The following ADCY2 variants were observed in gnomAD, a reference collection of about 807,000 sequenced individuals.
ADCY2 encodes the protein adenylate cyclase 2.
ADCY2 carries 31 observed loss-of-function variants against 125.2 expected under a neutral mutation model. The observed-to-expected ratio is 0.25, with a 90% CI of 0.19 to 0.33. The LOEUF (loss-of-function observed/expected upper bound fraction) is 0.33. Among genes scored for constraint, ADCY2 ranks in the 10% least tolerant of loss-of-function variants. The probability of loss-of-function intolerance (pLI) is 1.00; values close to 1 mark genes in which losing one functional copy is unlikely to be tolerated. For missense variants in ADCY2, 904 were observed against 1,418.2 expected (o/e 0.64, Z 5.82); for synonymous variants, 512 against 548.4 (o/e 0.93, Z 0.93).
rs192552667 is a variant in ADCY2, at chr5:7,559,536, A to G, written c.570+38637A>G. Among the ~76,000 whole-genome samples the G allele has an allele frequency of 2.1e-4, 32 of 152,242 alleles. No homozygotes were observed. The East Asian group carries it at 6.0e-3, about 28-fold the overall frequency. On this transcript the variant is annotated intron_variant, in intron 3 of 24. Transcript: ENST00000338316. ...TTGCACATTGATTTTATATCCTGAG[A>G]CTTTGCTGAAGTTATTTATCAGCTT...
intron 3 of ADCY2, among the ~76,000 whole-genome samples, chr5:7,597,159 C>T (rs77869872): frequency 0.084 from 12,853 of 152,236 alleles, 1,001 homozygotes; most frequent in East Asian, 0.42. Flanking sequence ...TTTACTTGCT[C>T]CTTCTTTGCT....
At chr5:7,688,271 G>T (rs112758472) in intron 4 of ADCY2, among the ~76,000 whole-genome samples, 4,336 of 83,244 alleles carry the variant, frequency 0.052, 205 homozygotes, top group African/African-American at 0.19. Flanking sequence ...GATTTTTTTT[G>T]TTGTTTTTTT....
chr5:7,741,673 A>G (rs1412141741), intron 14 of ADCY2, among the ~76,000 whole-genome samples: 2 of 149,728 alleles, frequency 1.3e-5, no homozygotes, highest in Non-Finnish European at 3.0e-5. Flanking sequence ...CATCATCATC[A>G]TCACCATCAC....
chr5:7,406,042 T>C (rs1298020114), intron 1 of ADCY2, among the ~76,000 whole-genome samples: 1 of 151,842 alleles, frequency 6.6e-6, no homozygotes, highest in African/African-American at 2.4e-5. Context: ...TTTTTTCTTG[T>C]AGAGATGGAG....
chr5:7,656,998 G>A (rs936234123), intron 4 of ADCY2, among the ~76,000 whole-genome samples: 4 of 152,122 alleles, frequency 2.6e-5, no homozygotes, highest in African/African-American at 4.8e-5. Flanking sequence ...ATTTCATCAC[G>A]TGCAATTATT....
chr5:7,412,867 C>A (rs944683632), intron 1 of ADCY2, among the ~76,000 whole-genome samples: 1 of 152,222 alleles, frequency 6.6e-6, no homozygotes, highest in East Asian at 1.9e-4. Context: ...TAGTGCCCCC[C>A]ATCCTGCCTG....
At chr5:7,437,600 G>A (rs1372766869) in intron 2 of ADCY2, among the ~76,000 whole-genome samples, 5 of 152,374 alleles carry the variant, frequency 3.3e-5, no homozygotes, top group Middle Eastern at 3.4e-3. Context: ...TCTTAGCACA[G>A]TGCCGGGCAC....
intron 4 of ADCY2, among the ~76,000 whole-genome samples, chr5:7,644,484 G>A (rs113530033): frequency 1.3e-5 from 2 of 152,044 alleles, no homozygotes; most frequent in African/African-American, 4.8e-5. Flanking sequence ...CCATATTTAT[G>A]TTGGCCAGCT....
At chr5:7,664,625 A>T (rs1739651826) in intron 4 of ADCY2, among the ~76,000 whole-genome samples, 1 of 152,228 alleles carries the variant, frequency 6.6e-6, no homozygotes. Context: ...GAAGAAAATC[A>T]AAATGTTTTA....
intron 24 of ADCY2, among the ~76,000 whole-genome samples, chr5:7,822,639 A>G (rs958384589): frequency 3.9e-5 from 6 of 152,182 alleles, no homozygotes; most frequent in Non-Finnish European, 5.9e-5. Context: ...TGGAACACAT[A>G]CACCTGATTG....
At position 7,717,153 on chromosome 5, in the gene ADCY2, A is replaced by G. The variant is rs1741616449; in HGVS notation, c.1623-4A>G. ...TTACCCATAATATTCCATTTTTCAT[A>G]TAGAACCAAGTCACAAAAGAAGAGA... On this transcript the variant is annotated splice_region_variant and splice_polypyrimidine_tract_variant and intron_variant, in intron 11 of 24. Transcript: ENST00000338316. The G allele has an allele frequency of 1.9e-6, 3 of 1,596,122 alleles. No individual in the cohort carries two copies. Among genetic ancestry groups the G allele is most frequent in the Non-Finnish European group, 2.6e-6 (3 of 1,167,558 alleles).
rs947228465 is a variant in ADCY2 at position 7,448,468 on chromosome 5, C to T, written c.408+33698C>T. Among the ~76,000 whole-genome samples, 5 of 152,002 alleles carry T rather than the reference C, an allele frequency of 3.3e-5. No individual in the cohort carries two copies. The East Asian group carries it at 9.7e-4, about 30-fold the overall frequency. On this transcript the variant is annotated intron_variant, in intron 2 of 24. Transcript: ENST00000338316. Reference sequence around the variant, plus strand: ...TGTGTTGGTGTTGATCAGATTCATTCATTATTTTTTTTTTTCATCAACTTT... The same window carrying T: ...TGTGTTGGTGTTGATCAGATTCATTTATTATTTTTTTTTTTCATCAACTTT...
At chr5:7,594,403 A>G (rs187877112) in intron 3 of ADCY2, among the ~76,000 whole-genome samples, 147 of 152,344 alleles carry the variant, frequency 9.6e-4, no homozygotes, top group Non-Finnish European at 1.7e-3. Flanking sequence ...GCAGATGTGT[A>G]CCAGGTCAAC....
Position 7,396,612 on chromosome 5 carries a change from G to A in ADCY2, c.210+106G>A. On this transcript the variant is annotated intron_variant, in intron 1 of 24. Coordinates refer to ENST00000338316, the MANE Select transcript of ADCY2 (RefSeq NM_020546.3). The surrounding 1 kb of genome is among the most constrained non-coding windows in gnomAD (Gnocchi z 5.7). ...CCGGGCTGCCCCTCGGCCCGCGGCAGCCCCTCGGCCCGCGGCAGCCCCTCG... is the reference window on the plus strand; with the variant it reads ...CCGGGCTGCCCCTCGGCCCGCGGCAACCCCTCGGCCCGCGGCAGCCCCTCG... 3 of 766,508 alleles carry A rather than the reference G, an allele frequency of 3.9e-6. No individual in the cohort carries two copies. The highest frequency in any genetic ancestry group is 5.2e-6 in the Non-Finnish European group (3 of 577,664). 47.5% of individuals were successfully genotyped at this position (766,508 alleles called of 1,614,324 possible). A position where few individuals can be genotyped will look rare whatever the true frequency, so the allele number is the denominator to read the frequency against.
At chr5:7,502,243 A>G (rs1015473714) in intron 2 of ADCY2, among the ~76,000 whole-genome samples, 2 of 152,116 alleles carry the variant, frequency 1.3e-5, no homozygotes, top group African/African-American at 4.8e-5. Context: ...TAAGCACACT[A>G]TGCTATTTAC....
intron 15 of ADCY2, among the ~76,000 whole-genome samples, chr5:7,745,157 G>A (rs765754843): frequency 3.3e-5 from 5 of 152,098 alleles, no homozygotes; most frequent in African/African-American, 4.8e-5. Context: ...TAGAATCCTC[G>A]TCCTCCCTTC....
intron 16 of ADCY2, among the ~76,000 whole-genome samples, chr5:7,759,904 T>C (rs1190010089): frequency 1.0e-5 from 1 of 95,530 alleles, no homozygotes; most frequent in Non-Finnish European, 2.0e-5. Flanking sequence ...GCCTGAAGAA[T>C]AGGGTTGGGG....
intron 4 of ADCY2, among the ~76,000 whole-genome samples, chr5:7,631,917 G>A (rs1738322670): frequency 6.6e-6 from 1 of 152,170 alleles, no homozygotes; most frequent in South Asian, 2.1e-4. Flanking sequence ...TTTTGCCAAT[G>A]AAACGGACCT....
Position 7,478,897 on chromosome 5 carries a change from A to T in ADCY2, c.409-41841A>T, listed in dbSNP as rs1051542828. Among the ~76,000 whole-genome samples, 8 of 152,212 alleles carry T rather than the reference A, an allele frequency of 5.3e-5. 1 individual carries two copies. In the South Asian group the frequency reaches 6.2e-4, roughly 12 times the overall value. ...ATCCAGCATGAATGTGCATGCTTTT[A>T]AGTTTAATTTGATAGTTCAGCGTGT... On this transcript the variant is annotated intron_variant, in intron 2 of 24. Coordinates refer to ENST00000338316, the MANE Select transcript of ADCY2 (RefSeq NM_020546.3).
Sources: gnomAD v4.1 joint callset for allele counts (sites outside exome capture counted in the v4.1 genomes callset) on GRCh38, gnomAD v4.1.1 for gene constraint, Gnocchi (gnomAD v3.1) non-coding constraint, MANE v1.5 for transcripts, NCBI Gene and HGNC (gene_info 2026-07-23, HGNC 2026-07-21) for gene names.